Variants in ZNF892 observed in about 807,000 individuals in gnomAD.
The protein encoded by ZNF892 is zinc finger protein 892.
the ZNF892 span, among the ~76,000 whole-genome samples, chr2:95,235,315 T>G: frequency 6.6e-6 from 1 of 152,110 alleles, no homozygotes; most frequent in Non-Finnish European, 1.5e-5. Flanking sequence ...ACCTCCTGGT[T>G]TGCAGTTGGA....
chr2:95,237,241 G>A, the ZNF892 span, among the ~76,000 whole-genome samples: 2 of 151,190 alleles, frequency 1.3e-5, no homozygotes, highest in African/African-American at 4.9e-5. Flanking sequence ...TCCACCTCCT[G>A]GGTTCAAGTG....
At chr2:95,249,847 G>GA in the ZNF892 span, among the ~76,000 whole-genome samples, 1 of 152,134 alleles carries the variant, frequency 6.6e-6, no homozygotes, top group Non-Finnish European at 1.5e-5. Context: ...ATTTGGAAAT[G>GA]ATCTAGATAG....
chr2:95,244,821 GAAATAATAAC>G, the ZNF892 span, among the ~76,000 whole-genome samples: 1 of 152,136 alleles, frequency 6.6e-6, no homozygotes, highest in East Asian at 1.9e-4. Context: ...GCAAAGGACT[GAAATAATAAC>G]AAACAGTCTC....
At chr2:95,238,824 GAGAA>G in the ZNF892 span, among the ~76,000 whole-genome samples, 1 of 152,160 alleles carries the variant, frequency 6.6e-6, no homozygotes, top group African/African-American at 2.4e-5. Context: ...ATGGCAGAGA[GAGAA>G]AGAGAACTAG....
the ZNF892 span, among the ~76,000 whole-genome samples, chr2:95,231,214 G>GAAAAACAAA: frequency 8.8e-4 from 134 of 152,300 alleles, no homozygotes; most frequent in Non-Finnish European, 1.6e-3. Flanking sequence ...AAATTACAGT[G>GAAAAACAAA]TATTCACACA....
the ZNF892 span, among the ~76,000 whole-genome samples, chr2:95,209,300 CCGAGGATG>C: frequency 3.3e-5 from 5 of 152,080 alleles, no homozygotes; most frequent in African/African-American, 1.2e-4. Context: ...TGGAGGTCTT[CCGAGGATG>C]TGTGGATGTG....
chr2:95,223,057 C>T, the ZNF892 span, among the ~76,000 whole-genome samples: 14 of 152,154 alleles, frequency 9.2e-5, no homozygotes, highest in African/African-American at 2.4e-4. Flanking sequence ...CATAGTTAAG[C>T]GGGTCTGTTT....
At chr2:95,260,925 A>G in the ZNF892 span, among the ~76,000 whole-genome samples, 2 of 152,120 alleles carry the variant, frequency 1.3e-5, no homozygotes, top group African/African-American at 4.8e-5. Context: ...ATGAATCCCA[A>G]ATGAGAAGGT....
the ZNF892 span, among the ~76,000 whole-genome samples, chr2:95,226,541 AC>A: frequency 6.6e-6 from 1 of 152,190 alleles, no homozygotes; most frequent in Non-Finnish European, 1.5e-5. Flanking sequence ...TTGTGAGCTT[AC>A]GTTTTACTGG....
chr2:95,235,650 C>T, the ZNF892 span, among the ~76,000 whole-genome samples: 1 of 152,204 alleles, frequency 6.6e-6, no homozygotes, highest in Admixed American at 6.5e-5. Flanking sequence ...CGTGAGCCAC[C>T]ACGCCCGGCC....
At chr2:95,222,534 G>T in the ZNF892 span, among the ~76,000 whole-genome samples, 1 of 152,196 alleles carries the variant, frequency 6.6e-6, no homozygotes. Context: ...TAGATGTGTA[G>T]TGGTATCTCA....
At chr2:95,221,425 C>T in the ZNF892 span, among the ~76,000 whole-genome samples, 6 of 152,108 alleles carry the variant, frequency 3.9e-5, no homozygotes, top group Non-Finnish European at 5.9e-5. Flanking sequence ...AAAGAATCCT[C>T]GCACTTCTGG....
At chr2:95,249,213 A>G in the ZNF892 span, among the ~76,000 whole-genome samples, 32 of 62,058 alleles carry the variant, frequency 5.2e-4, no homozygotes, top group East Asian at 1.3e-3. Flanking sequence ...ATGTATGTAT[A>G]TATATATATA....
chr2:95,255,187 A>T, the ZNF892 span, among the ~76,000 whole-genome samples: 1 of 151,630 alleles, frequency 6.6e-6, no homozygotes, highest in African/African-American at 2.4e-5. Flanking sequence ...TCAATTTTAG[A>T]TCTTTCCTGC....
chr2:95,243,470 G>A, the ZNF892 span, among the ~76,000 whole-genome samples: 12 of 146,730 alleles, frequency 8.2e-5, no homozygotes, highest in African/African-American at 1.0e-4. Flanking sequence ...GCCGCCCATC[G>A]TCTGAGATGT....
At chr2:95,222,545 A>G in the ZNF892 span, among the ~76,000 whole-genome samples, 5 of 152,200 alleles carry the variant, frequency 3.3e-5, no homozygotes, top group Non-Finnish European at 7.4e-5. Flanking sequence ...TGGTATCTCA[A>G]TGTGGCTTCA....
At chr2:95,263,087 C>T in the ZNF892 span, among the ~76,000 whole-genome samples, 3 of 152,106 alleles carry the variant, frequency 2.0e-5, no homozygotes, top group African/African-American at 7.2e-5. Flanking sequence ...CAGTGTGAGT[C>T]ATTAAATACA....
chr2:95,262,948 TC>T, the ZNF892 span, among the ~76,000 whole-genome samples: 2 of 152,222 alleles, frequency 1.3e-5, no homozygotes, highest in Non-Finnish European at 2.9e-5. Flanking sequence ...CCTGGAGGAC[TC>T]CTGTCCCTTG....
chr2:95,207,293 G>C, the ZNF892 span, among the ~76,000 whole-genome samples: 4 of 152,194 alleles, frequency 2.6e-5, no homozygotes, highest in Non-Finnish European at 5.9e-5. Context: ...GTCCCACGCC[G>C]GGCGGGGTTT....
Sources: allele counts gnomAD v4.1 joint callset (sites outside exome capture counted in the v4.1 genomes callset), GRCh38; gene constraint gnomAD v4.1.1; transcripts MANE v1.5; gene names NCBI Gene and HGNC (gene_info 2026-07-23, HGNC 2026-07-21).